Variants in TMED2 observed in about 807,000 individuals in gnomAD.
TMED2 encodes the protein transmembrane p24 trafficking protein 2, also known as transmembrane emp24 domain-containing protein 2.
A neutral mutation model predicts 17.5 loss-of-function variants in TMED2; 3 were observed. The ratio of observed to expected loss-of-function variants is 0.17; its 90% CI spans 0.08 to 0.44. The LOEUF (loss-of-function observed/expected upper bound fraction) is 0.44, where lower values mean the gene tolerates loss of function less well. TMED2 is among the 20% of genes least tolerant of loss of function. The probability of loss-of-function intolerance (pLI) is 0.99; values close to 1 mark genes in which losing one functional copy is unlikely to be tolerated. For synonymous variants in TMED2, 95 were observed against 91.0 expected (o/e 1.04, Z -0.25); for missense variants, 149 against 254.8 (o/e 0.58, Z 2.83).
chr12:123,584,893 G>A (rs540226906), intron 1 of TMED2, 77 bp downstream of exon 1: 38 of 1,554,838 alleles, frequency 2.4e-5, no homozygotes, highest in Non-Finnish European at 3.3e-5. Context: ...ACCGGCGCGG[G>A]GCCTGTGTGG....
chr12:123,591,681 C>CT (rs1227773186), intron 3 of TMED2, among the ~76,000 whole-genome samples: 1 of 152,096 alleles, frequency 6.6e-6, no homozygotes, highest in Non-Finnish European at 1.5e-5. Flanking sequence ...ACTCAGGAGG[C>CT]TGAGGCAGGA....
chr12:123,594,124 A>G (rs906333740), intron 3 of TMED2, among the ~76,000 whole-genome samples: 3 of 144,158 alleles, frequency 2.1e-5, no homozygotes, highest in Non-Finnish European at 3.0e-5. Context: ...AGAAAAATAA[A>G]ACACTACATA....
At position 123,584,561 on chromosome 12, in the gene TMED2, GC is replaced by G. The variant is rs1320234625; in HGVS notation, c.-75del. ...TTAGGCGGCGGTGGCTGAGAAGGCA[GC>G]GGGGCGGCGGCGGCGGCGGCGGCGG... On this transcript the variant is annotated 5_prime_UTR_variant, in exon 1 of 4. Coordinates refer to ENST00000262225, the MANE Select transcript of TMED2 (RefSeq NM_006815.4). 19 of 1,430,594 alleles carry G rather than the reference GC, an allele frequency of 1.3e-5. No individual in the cohort carries two copies. The African/African-American group carries it at 3.1e-4, about 23-fold the overall frequency. The allele number at this position is 1,430,594 out of a possible 1,614,324, so 88.6% of individuals were successfully genotyped here. A position where few individuals can be genotyped will look rare whatever the true frequency, so the allele number is the denominator to read the frequency against.
Position 123,596,863 on chromosome 12 carries a change from G to A in TMED2, c.*134G>A. ...AACTTATGTTTCTTTGAGATTAATA[G>A]ATATTGGGGGAAAAACGCCTTTTTA... On this transcript the variant is annotated 3_prime_UTR_variant, in exon 4 of 4. Coordinates refer to ENST00000262225, the MANE Select transcript of TMED2 (RefSeq NM_006815.4). 8.5e-7 allele frequency: 1 copy of A among 1,172,148 alleles called. No homozygotes were observed. The highest frequency in any genetic ancestry group is 2.5e-5 in the South Asian group (1 of 39,532). 72.6% of individuals were successfully genotyped at this position (1,172,148 alleles called of 1,614,324 possible).
chr12:123,584,589 GGC>G lies in TMED2; in HGVS notation c.-47_-46del, dbSNP rs1886299847. ...GGGCGGCGGCGGCGGCGGCGGCGGC[GGC>G]TGTGGAGGCCGCAGTCCGGGTCCTG... On this transcript the variant is annotated 5_prime_UTR_variant, in exon 1 of 4. Transcript: ENST00000262225. The G allele has an allele frequency of 5.5e-6, 8 of 1,457,438 alleles. No homozygotes were observed. Among genetic ancestry groups the G allele is most frequent in the Non-Finnish European group, 7.5e-6 (8 of 1,070,718 alleles). 90.3% of individuals were successfully genotyped at this position (1,457,438 alleles called of 1,614,324 possible). A position where few individuals can be genotyped will look rare whatever the true frequency, so the allele number is the denominator to read the frequency against.
intron 2 of TMED2, among the ~76,000 whole-genome samples, chr12:123,588,176 C>G (rs1295098693): frequency 6.7e-6 from 1 of 149,982 alleles, no homozygotes; most frequent in Non-Finnish European, 1.5e-5. Flanking sequence ...GGAGCCAGCA[C>G]ATTTGGTGGT....
chr12:123,591,094 A>G (rs1337574950), intron 3 of TMED2, among the ~76,000 whole-genome samples: 1 of 152,156 alleles, frequency 6.6e-6, no homozygotes, highest in Non-Finnish European at 1.5e-5. Context: ...TGCGTATTGC[A>G]TTGGTTTTTA....
At chr12:123,589,002 A>C (rs1953371308) in intron 2 of TMED2, among the ~76,000 whole-genome samples, 1 of 152,230 alleles carries the variant, frequency 6.6e-6, no homozygotes, top group Non-Finnish European at 1.5e-5. Context: ...GAATCCCAGA[A>C]GAGACCCAGT....
chr12:123,587,046 C>A, intron 2 of TMED2, 107 bp downstream of exon 2: 1 of 1,086,110 alleles, frequency 9.2e-7, no homozygotes, highest in Non-Finnish European at 1.2e-6. Flanking sequence ...AATTTCTTAA[C>A]CAAAACCTTT....
At chr12:123,587,594 TCTTAA>T (rs1216220270) in intron 2 of TMED2, 12 of 1,278,714 alleles carry the variant, frequency 9.4e-6, no homozygotes, top group African/African-American at 3.1e-5. Context: ...TGTTAAGATA[TCTTAA>T]CTTTTCTTTA....
chr12:123,588,654 A>G (rs538173855), intron 2 of TMED2, among the ~76,000 whole-genome samples: 29 of 152,328 alleles, frequency 1.9e-4, no homozygotes, highest in African/African-American at 6.0e-4. Context: ...AGTGGTTCTC[A>G]AGTGAGGATG....
In TMED2 at chr12:123,596,932, T is replaced by G. The variant is rs948872662; in HGVS notation, c.*203T>G. On this transcript the variant is annotated 3_prime_UTR_variant, in exon 4 of 4. Coordinates refer to ENST00000262225, the MANE Select transcript of TMED2 (RefSeq NM_006815.4). ...TTTGACAGTTGATTGGCATAATTTCTTGTTTGAATGCTGCCTCCATTATAT... is the reference window on the plus strand; with the variant it reads ...TTTGACAGTTGATTGGCATAATTTCGTGTTTGAATGCTGCCTCCATTATAT... 1 of 465,628 alleles carries G rather than the reference T, an allele frequency of 2.1e-6. No homozygotes were observed. Among genetic ancestry groups the G allele is most frequent in the Non-Finnish European group, 3.4e-6 (1 of 291,074 alleles). The allele number at this position is 465,628 out of a possible 1,614,324, so 28.8% of individuals were successfully genotyped here.
Position 123,584,599 on chromosome 12 carries a change from G to C in TMED2, c.-38G>C. On this transcript the variant is annotated 5_prime_UTR_variant, in exon 1 of 4. Transcript: ENST00000262225. ...GGCGGCGGCGGCGGCGGCTGTGGAG[G>C]CCGCAGTCCGGGTCCTGGCTTCGGC... is the stretch of plus-strand genomic sequence containing the variant. 1.0e-5 allele frequency: 16 copies of C among 1,591,276 alleles called. No homozygotes were observed. The highest frequency in any genetic ancestry group is 1.4e-5 in the Non-Finnish European group (16 of 1,173,632).
rs1372569233 is a variant in TMED2, at chr12:123,597,209, A to C, written c.*480A>C. 2 of 152,234 alleles carry C rather than the reference A, an allele frequency of 1.3e-5. No homozygotes were observed. Among genetic ancestry groups the C allele is most frequent in the African/African-American group, 4.8e-5 (2 of 41,448 alleles). The allele number at this position is 152,234 out of a possible 1,614,324, so 9.4% of individuals were successfully genotyped here. A position where few individuals can be genotyped will look rare whatever the true frequency, so the allele number is the denominator to read the frequency against. ...AATCTTGACGGTTTCTGCCCGTCCT[A>C]ATGGCAGAGCTCTCTGACTTGGGTG... is the stretch of plus-strand genomic sequence containing the variant. On this transcript the variant is annotated 3_prime_UTR_variant, in exon 4 of 4. Transcript: ENST00000262225.
chr12:123,597,639 G>T lies in TMED2; in HGVS notation c.*910G>T, dbSNP rs529050497. ...TCAGTGGCCTTTGGGCCACTGTTCA[G>T]GGTACTGACCATCAGTGTCAGCATT... On this transcript the variant is annotated 3_prime_UTR_variant, in exon 4 of 4. Transcript: ENST00000262225. 5.2e-5 allele frequency: 8 copies of T among 152,764 alleles called. No homozygotes were observed. In the South Asian group the frequency reaches 1.4e-3, roughly 28 times the overall value. 9.5% of individuals were successfully genotyped at this position (152,764 alleles called of 1,614,324 possible).
At chr12:123,590,836 T>A (rs1953387265) in intron 3 of TMED2, among the ~76,000 whole-genome samples, 1 of 151,904 alleles carries the variant, frequency 6.6e-6, no homozygotes, top group Admixed American at 6.6e-5. Context: ...ATAAAAAAAT[T>A]AGCTGGGTGT....
At position 123,592,972 on chromosome 12, in the gene TMED2, G is replaced by A. The variant is rs1456971968; in HGVS notation, c.481+2523G>A. On this transcript the variant is annotated intron_variant, in intron 3 of 3. Transcript: ENST00000262225. ...TGTAATCTCAGCACTTTGGGAGGCT[G>A]AGGCAGGCGAATAACGAGGTCAGTA... is the stretch of plus-strand genomic sequence containing the variant. Among the ~76,000 whole-genome samples, 4 of 152,274 alleles carry A rather than the reference G, an allele frequency of 2.6e-5. 1 individual carries two copies. The East Asian group carries it at 7.7e-4, about 29-fold the overall frequency.
chr12:123,589,466 G>A (rs1370372654), intron 2 of TMED2, among the ~76,000 whole-genome samples: 1 of 152,098 alleles, frequency 6.6e-6, no homozygotes, highest in Non-Finnish European at 1.5e-5. Flanking sequence ...TCTCCTCAGT[G>A]TTTTACTACT....
intron 2 of TMED2, among the ~76,000 whole-genome samples, chr12:123,589,832 T>TA (rs1953378406): frequency 6.6e-6 from 1 of 151,602 alleles, no homozygotes; most frequent in Non-Finnish European, 1.5e-5. Context: ...ACCCCGTCTC[T>TA]AAAAAATAAA....
Sources: allele counts gnomAD v4.1 joint callset (sites outside exome capture counted in the v4.1 genomes callset), GRCh38; gene constraint gnomAD v4.1.1; transcripts MANE v1.5; gene names NCBI Gene and HGNC (gene_info 2026-07-23, HGNC 2026-07-21).